SPATA16: variants seen among roughly 807,000 people sequenced by gnomAD.
SPATA16 encodes the protein spermatogenesis associated 16, also known as spermatogenesis-associated protein 16.
Under a neutral mutation model 63.3 loss-of-function variants are expected in SPATA16, and 36 were observed. That is an observed-to-expected ratio of 0.57 (90% CI 0.44 to 0.75). The LOEUF is 0.75. Among genes scored for constraint, SPATA16 ranks in the 30% least tolerant of loss-of-function variants. The pLI, the probability that SPATA16 is intolerant of heterozygous loss-of-function variation, is 0.00. For synonymous variants in SPATA16, 203 were observed against 216.7 expected (o/e 0.94, Z 0.56); for missense variants, 646 against 679.3 (o/e 0.95, Z 0.54).
rs1208574611 is a variant in SPATA16 at position 172,928,719 on chromosome 3, A to G, written c.1082-3227T>C. ...ATAAAACATGCTTGCAAAAATGTAA[A>G]TATTCTCTGTTCCTTCTGATCCTAT... On this transcript the variant is annotated intron_variant, in intron 6 of 10. Coordinates refer to ENST00000351008, the MANE Select transcript of SPATA16 (RefSeq NM_031955.6). 3.3e-5 allele frequency among the ~76,000 whole-genome samples: 5 copies of G among 152,302 alleles called. No individual in the cohort carries two copies. The East Asian group carries it at 9.6e-4, about 29-fold the overall frequency.
intron 2 of SPATA16, among the ~76,000 whole-genome samples, chr3:173,111,163 T>A (rs1737740915): frequency 6.6e-6 from 1 of 152,142 alleles, no homozygotes; most frequent in African/African-American, 2.4e-5. Flanking sequence ...TTCTGCAAAA[T>A]GGGGTGATAA....
chr3:173,032,869 A>G (rs1442886201), intron 3 of SPATA16, among the ~76,000 whole-genome samples: 1 of 152,156 alleles, frequency 6.6e-6, no homozygotes, highest in Non-Finnish European at 1.5e-5. Flanking sequence ...TAGGCAGTCA[A>G]TAAATGTTTA....
intron 3 of SPATA16, among the ~76,000 whole-genome samples, chr3:173,047,009 T>C (rs568474424): frequency 6.6e-6 from 1 of 152,080 alleles, no homozygotes; most frequent in Admixed American, 6.5e-5. Context: ...AAGATAACTT[T>C]ACTATTCACT....
At chr3:172,898,935 C>T (rs1732066629) in intron 10 of SPATA16, among the ~76,000 whole-genome samples, 1 of 151,938 alleles carries the variant, frequency 6.6e-6, no homozygotes, top group Admixed American at 6.5e-5. Flanking sequence ...TATATTCTTA[C>T]ATTTCCTTTG....
intron 2 of SPATA16, among the ~76,000 whole-genome samples, chr3:173,095,634 AT>A (rs1737333413): frequency 6.6e-6 from 1 of 152,154 alleles, no homozygotes; most frequent in African/African-American, 2.4e-5. Flanking sequence ...TGACTAAGCC[AT>A]TATTGACAGT....
intron 1 of SPATA16, among the ~76,000 whole-genome samples, chr3:173,137,898 A>G (rs575719152): frequency 6.7e-6 from 1 of 149,808 alleles, no homozygotes; most frequent in South Asian, 2.1e-4. Context: ...TCCCTAAAGA[A>G]GAGACCAGAT....
intron 10 of SPATA16, among the ~76,000 whole-genome samples, chr3:172,890,262 T>TTA (rs1731866170): frequency 6.6e-6 from 1 of 152,204 alleles, no homozygotes; most frequent in African/African-American, 2.4e-5. Context: ...TAAAATAATG[T>TTA]TATACACAAC....
intron 6 of SPATA16, among the ~76,000 whole-genome samples, chr3:172,954,359 AC>A (rs1197367061): frequency 3.9e-5 from 6 of 151,968 alleles, no homozygotes; most frequent in Non-Finnish European, 1.5e-5. Flanking sequence ...GGGGGAAACC[AC>A]CCCCATGATT....
intron 1 of SPATA16, among the ~76,000 whole-genome samples, chr3:173,133,828 C>T (rs573832160): frequency 1.3e-5 from 2 of 152,252 alleles, no homozygotes; most frequent in Admixed American, 1.3e-4. Flanking sequence ...AACATAGGAG[C>T]TCTGTGTAAC....
intron 4 of SPATA16, among the ~76,000 whole-genome samples, chr3:172,986,252 T>A (rs998521175): frequency 6.6e-6 from 1 of 152,120 alleles, no homozygotes; most frequent in Non-Finnish European, 1.5e-5. Context: ...GTATTACTGT[T>A]GTTGTTTGTT....
chr3:173,074,788 A>G (rs1215600298), intron 2 of SPATA16, among the ~76,000 whole-genome samples: 2 of 152,116 alleles, frequency 1.3e-5, no homozygotes, highest in African/African-American at 4.8e-5. Context: ...ACCTGAGATC[A>G]GGAGTTCAAG....
At chr3:172,991,310 A>G (rs1734572376) in intron 4 of SPATA16, among the ~76,000 whole-genome samples, 1 of 152,130 alleles carries the variant, frequency 6.6e-6, no homozygotes. Flanking sequence ...TCCTTTCTCT[A>G]CTAGGATTGT....
At chr3:173,014,771 G>C (rs988662793) in intron 4 of SPATA16, among the ~76,000 whole-genome samples, 1 of 152,180 alleles carries the variant, frequency 6.6e-6, no homozygotes, top group African/African-American at 2.4e-5. Context: ...TGATGATATG[G>C]CCGGTGTGCT....
intron 2 of SPATA16, among the ~76,000 whole-genome samples, chr3:173,063,267 C>T (rs1192379414): frequency 6.6e-6 from 1 of 152,128 alleles, no homozygotes; most frequent in African/African-American, 2.4e-5. Context: ...CTTTTACTTG[C>T]ATTAATCACT....
At chr3:172,921,838 G>T (rs1027924855) in intron 8 of SPATA16, among the ~76,000 whole-genome samples, 2 of 152,212 alleles carry the variant, frequency 1.3e-5, no homozygotes, top group African/African-American at 2.4e-5. Context: ...GAAAAAAATA[G>T]TTCAGAGGTT....
At chr3:172,973,840 C>T (rs896688638) in intron 5 of SPATA16, among the ~76,000 whole-genome samples, 2 of 152,136 alleles carry the variant, frequency 1.3e-5, no homozygotes, top group African/African-American at 4.8e-5. Flanking sequence ...GTGGTGAGGT[C>T]TCCAGGTGTT....
Position 173,074,445 on chromosome 3 carries a change from G to A in SPATA16, c.613-25351C>T, listed in dbSNP as rs181956603. Among the ~76,000 whole-genome samples, 613 of 152,202 alleles carry A rather than the reference G, an allele frequency of 4.0e-3. 8 individuals are homozygous for A. The highest frequency in any genetic ancestry group is 0.013 in the African/African-American group (549 of 41,522). On this transcript the variant is annotated intron_variant, in intron 2 of 10. Transcript: ENST00000351008. ...GGGCGATTTTCTCCATACTGTTCTC[G>A]TGGTAGTGAATAAGTCTCATGAGAT...
intron 4 of SPATA16, among the ~76,000 whole-genome samples, chr3:173,001,401 T>G (rs1329617827): frequency 2.6e-5 from 4 of 152,126 alleles, no homozygotes; most frequent in Non-Finnish European, 1.5e-5. Flanking sequence ...TAGTTTCTCC[T>G]GAGGGCAGGC....
chr3:173,081,514 A>G (rs1736921897), intron 2 of SPATA16, among the ~76,000 whole-genome samples: 1 of 152,084 alleles, frequency 6.6e-6, no homozygotes, highest in East Asian at 1.9e-4. Flanking sequence ...TGAGACTTCC[A>G]TTGAATCGTT....
Sources: allele counts gnomAD v4.1 joint callset (sites outside exome capture counted in the v4.1 genomes callset), GRCh38; gene constraint gnomAD v4.1.1; transcripts MANE v1.5; gene names NCBI Gene and HGNC (gene_info 2026-07-23, HGNC 2026-07-21).